TAFA5: variants seen among roughly 807,000 people sequenced by gnomAD.
The protein encoded by TAFA5 is TAFA chemokine like family member 5, also known as chemokine-like protein TAFA-5.
Under a neutral mutation model 15.3 loss-of-function variants are expected in TAFA5, and 6 were observed. The observed-to-expected ratio is 0.39, with a 90% CI of 0.21 to 0.77. The LOEUF (loss-of-function observed/expected upper bound fraction) is 0.77, where lower values mean the gene tolerates loss of function less well. Ranked by LOEUF, TAFA5 falls within the 30% of genes least tolerant of loss-of-function variation. The pLI is 0.41. For missense variants in TAFA5, 161 were observed against 193.1 expected, an observed-to-expected ratio of 0.83 and a Z score of 0.98; for synonymous variants, 103 against 80.7, an observed-to-expected ratio of 1.28 and a Z score of -1.48.
intron 1 of TAFA5, among the ~76,000 whole-genome samples, chr22:48,565,171 G>A (rs968996878): frequency 2.6e-5 from 4 of 152,346 alleles, no homozygotes; most frequent in East Asian, 1.9e-4. Flanking sequence ...TGTGGGCTCC[G>A]GCTTGAGGCA....
At chr22:48,518,767 C>T (rs946884528) in intron 1 of TAFA5, among the ~76,000 whole-genome samples, 22 of 152,216 alleles carry the variant, frequency 1.4e-4, no homozygotes, top group African/African-American at 5.3e-4. Context: ...CCCAGCTTTC[C>T]GGAGTGCTGT....
intron 3 of TAFA5, among the ~76,000 whole-genome samples, chr22:48,732,690 A>T (rs1929902664): frequency 6.6e-6 from 1 of 152,228 alleles, no homozygotes; most frequent in Non-Finnish European, 1.5e-5. Context: ...ATTGATTCCG[A>T]TTTTGAAAGA....
chr22:48,534,779 G>A (rs1922094898), intron 1 of TAFA5, among the ~76,000 whole-genome samples: 2 of 152,202 alleles, frequency 1.3e-5, no homozygotes, highest in African/African-American at 4.8e-5. Context: ...CACCTGCACT[G>A]AGAAAGCGGG....
chr22:48,491,515 C>G (rs1258546375), intron 1 of TAFA5, among the ~76,000 whole-genome samples: 1 of 152,226 alleles, frequency 6.6e-6, no homozygotes. Flanking sequence ...CCCCCAACCC[C>G]CAGCAGCTCA....
At chr22:48,553,132 C>T (rs1922915160) in intron 1 of TAFA5, among the ~76,000 whole-genome samples, 1 of 152,182 alleles carries the variant, frequency 6.6e-6, no homozygotes, top group African/African-American at 2.4e-5. Flanking sequence ...TAGACATCCT[C>T]CTGACTTGTG....
intron 1 of TAFA5, among the ~76,000 whole-genome samples, chr22:48,586,901 C>T (rs943106077): frequency 1.3e-5 from 2 of 152,230 alleles, no homozygotes; most frequent in African/African-American, 2.4e-5. Flanking sequence ...TGGGCTCCCA[C>T]CTTGTGTCTG....
At chr22:48,507,922 G>A (rs1921060507) in intron 1 of TAFA5, among the ~76,000 whole-genome samples, 1 of 152,166 alleles carries the variant, frequency 6.6e-6, no homozygotes, top group African/African-American at 2.4e-5. Flanking sequence ...GCCCTGGCCT[G>A]GCCCACACCA....
intron 2 of TAFA5, among the ~76,000 whole-genome samples, chr22:48,652,440 C>T (rs899508685): frequency 6.6e-6 from 1 of 152,228 alleles, no homozygotes; most frequent in African/African-American, 2.4e-5. Flanking sequence ...GTTCATACAA[C>T]ATGGGGACAT....
intron 3 of TAFA5, among the ~76,000 whole-genome samples, chr22:48,746,628 A>G (rs1304027920): frequency 6.6e-6 from 1 of 152,184 alleles, no homozygotes; most frequent in Non-Finnish European, 1.5e-5. Flanking sequence ...TCAGAGAGTA[A>G]GTGGATGTTC....
intron 3 of TAFA5, among the ~76,000 whole-genome samples, chr22:48,739,195 A>G (rs979771353): frequency 6.6e-6 from 1 of 152,204 alleles, no homozygotes; most frequent in Admixed American, 6.5e-5. Context: ...AAAGATAGCT[A>G]TGAGGCAAAG....
chr22:48,725,720 C>A, intron 3 of TAFA5, among the ~76,000 whole-genome samples: 2 of 109,188 alleles, frequency 1.8e-5, no homozygotes, highest in Admixed American at 1.9e-4. Context: ...AGAGATAATT[C>A]ACAGAAAAAA....
intron 1 of TAFA5, among the ~76,000 whole-genome samples, chr22:48,616,307 A>G (rs1925602527): frequency 6.6e-6 from 1 of 152,190 alleles, no homozygotes; most frequent in Non-Finnish European, 1.5e-5. Context: ...CTGATTTTCT[A>G]AAATTCGAGC....
At chr22:48,573,341 A>G (rs1227971151) in intron 1 of TAFA5, among the ~76,000 whole-genome samples, 3 of 152,144 alleles carry the variant, frequency 2.0e-5, no homozygotes, top group African/African-American at 7.2e-5. Context: ...TTTGATTAGC[A>G]TTTTGATTCC....
intron 3 of TAFA5, among the ~76,000 whole-genome samples, chr22:48,746,179 T>C (rs2147277575): frequency 6.6e-6 from 1 of 151,618 alleles, no homozygotes; most frequent in African/African-American, 2.4e-5. Context: ...GCACTGGGCC[T>C]GGCCCTTCTC....
At chr22:48,720,931 G>A (rs377215230) in intron 3 of TAFA5, among the ~76,000 whole-genome samples, 54 of 152,154 alleles carry the variant, frequency 3.5e-4, no homozygotes, top group African/African-American at 8.0e-4. Context: ...GGCACTTCTT[G>A]TTCCTGCCTC....
intron 1 of TAFA5, among the ~76,000 whole-genome samples, chr22:48,613,257 T>A (rs918299255): frequency 6.6e-6 from 1 of 152,178 alleles, no homozygotes; most frequent in Non-Finnish European, 1.5e-5. Flanking sequence ...TCACTGATGA[T>A]CTGAGGACCT....
At chr22:48,577,739 T>C (rs1923870698) in intron 1 of TAFA5, among the ~76,000 whole-genome samples, 1 of 152,058 alleles carries the variant, frequency 6.6e-6, no homozygotes, top group Non-Finnish European at 1.5e-5. Context: ...CTCCCTTGCT[T>C]TTGGATGTGG....
intron 2 of TAFA5, among the ~76,000 whole-genome samples, chr22:48,694,165 A>C (rs1928628989): frequency 6.6e-6 from 1 of 152,178 alleles, no homozygotes; most frequent in African/African-American, 2.4e-5. Flanking sequence ...GTGAAGATGA[A>C]GCTAATTGAT....
intron 1 of TAFA5, among the ~76,000 whole-genome samples, chr22:48,507,117 C>G (rs541491979): frequency 2.6e-5 from 4 of 151,852 alleles, no homozygotes; most frequent in Non-Finnish European, 5.9e-5. Flanking sequence ...AGGAGGTGGC[C>G]GCCAAGGGCC....
Sources: gnomAD v4.1 joint callset for allele counts (sites outside exome capture counted in the v4.1 genomes callset) on GRCh38, gnomAD v4.1.1 for gene constraint, MANE v1.5 for transcripts, NCBI Gene and HGNC (gene_info 2026-07-23, HGNC 2026-07-21) for gene names.